MORC1: variants seen among roughly 807,000 people sequenced by gnomAD.
The protein encoded by MORC1 is MORC family CW-type zinc finger protein 1.
In MORC1, 59 loss-of-function variants were observed where a neutral mutation model predicts 134.9. That is an observed-to-expected ratio of 0.44 (90% CI 0.35 to 0.54). MORC1 has a LOEUF of 0.54. MORC1 is among the 20% of genes least tolerant of loss of function. The pLI is 0.00. For missense variants in MORC1, 947 were observed against 1,134.5 expected, an observed-to-expected ratio of 0.83 and a Z score of 2.37; for synonymous variants, 395 against 391.7, an observed-to-expected ratio of 1.01 and a Z score of -0.10.
Position 108,986,902 on chromosome 3 carries a change from CT to C in MORC1, c.2234del (p.Lys745ArgfsTer6). Reference sequence around the variant, plus strand: ...TACCTTGGTTTAAAAGAGGAATTTCCTTTTTTTCTTGTTTCAATGAAACATC... The same window carrying C: ...TACCTTGGTTTAAAAGAGGAATTTCCTTTTTTCTTGTTTCAATGAAACATC... The part of the protein sequence containing the change: ...NTDVSLKQEK[K>X]EIPLLNQEKQ... On this transcript the variant is annotated frameshift_variant, in exon 22 of 28. Coordinates refer to ENST00000232603, the MANE Select transcript of MORC1 (RefSeq NM_014429.4). LOFTEE classifies it high-confidence loss of function. 3.2e-6 allele frequency: 5 copies of C among 1,569,854 alleles called. No homozygotes were observed. The highest frequency in any genetic ancestry group is 4.3e-6 in the Non-Finnish European group (5 of 1,161,232).
intron 14 of MORC1, among the ~76,000 whole-genome samples, chr3:109,038,465 G>T (rs1949432791): frequency 6.6e-6 from 1 of 151,988 alleles, no homozygotes; most frequent in African/African-American, 2.4e-5. Context: ...GTCTATTTTG[G>T]CTTTTGTTGC....
intron 16 of MORC1, among the ~76,000 whole-genome samples, chr3:109,032,467 T>C (rs1211713466): frequency 6.6e-6 from 1 of 152,142 alleles, no homozygotes; most frequent in African/African-American, 2.4e-5. Context: ...CAGGTTGTGG[T>C]CTCCCATGGG....
At chr3:109,028,661 C>T (rs924006684) in intron 16 of MORC1, among the ~76,000 whole-genome samples, 3 of 152,100 alleles carry the variant, frequency 2.0e-5, no homozygotes, top group Non-Finnish European at 4.4e-5. Flanking sequence ...AGGTTTGAGG[C>T]CATTTTTCCT....
chr3:109,049,378 C>T (rs745724564), intron 14 of MORC1, among the ~76,000 whole-genome samples: 1 of 152,148 alleles, frequency 6.6e-6, no homozygotes, highest in Non-Finnish European at 1.5e-5. Context: ...GAAAACATGT[C>T]CCAAGGTACC....
intron 14 of MORC1, among the ~76,000 whole-genome samples, chr3:109,035,881 A>T (rs1036678927): frequency 5.3e-5 from 8 of 152,172 alleles, no homozygotes; most frequent in Admixed American, 4.6e-4. Flanking sequence ...CTTATCTCAC[A>T]GACAGAGGTG....
chr3:109,103,857 A>T lies in MORC1; in HGVS notation c.215T>A (p.Met72Lys), dbSNP rs1192651273. 1.9e-6 allele frequency: 3 copies of T among 1,613,778 alleles called. No homozygotes were observed. The change falls in exon 4 of 28, where the codon ATG becomes AAG. Residue 72 changes from methionine (M) to lysine (K), a missense_variant. This residue lies in a region of MORC1 where 214 missense variants were observed against 281.3 expected (regional missense o/e 0.76). Coordinates refer to ENST00000232603, the MANE Select transcript of MORC1 (RefSeq NM_014429.4). ...CTAGATAATTAACTTACCAGGGCTCATGCCACATCCATCATCCAGGAAACA... is the reference window on the plus strand; with the variant it reads ...CTAGATAATTAACTTACCAGGGCTCTTGCCACATCCATCATCCAGGAAACA... The part of the protein sequence containing the change: ...MLCFLDDGCG[M>K]SPEEASDIIY...
chr3:109,050,991 C>T (rs1456290568), intron 14 of MORC1, among the ~76,000 whole-genome samples: 2 of 152,100 alleles, frequency 1.3e-5, no homozygotes, highest in Non-Finnish European at 2.9e-5. Flanking sequence ...CTGTTCAAAC[C>T]CAAATTTCAT....
intron 17 of MORC1, among the ~76,000 whole-genome samples, chr3:109,012,252 G>C (rs965339116): frequency 3.9e-5 from 6 of 152,024 alleles, no homozygotes; most frequent in Non-Finnish European, 7.4e-5. Flanking sequence ...AAAATCAGCT[G>C]GCTATATACA....
chr3:108,966,940 T>TC (rs1947236896), intron 26 of MORC1, among the ~76,000 whole-genome samples: 1 of 152,206 alleles, frequency 6.6e-6, no homozygotes, highest in South Asian at 2.1e-4. Context: ...CTATTATGAA[T>TC]CATCTACTAC....
intron 8 of MORC1, among the ~76,000 whole-genome samples, chr3:109,070,021 T>TATAAC (rs1950283727): frequency 6.6e-6 from 1 of 152,214 alleles, no homozygotes; most frequent in South Asian, 2.1e-4. Flanking sequence ...TTATTCTAAG[T>TATAAC]AGACTTATAA....
chr3:109,044,515 G>A (rs1323357206), intron 14 of MORC1, among the ~76,000 whole-genome samples: 2 of 150,592 alleles, frequency 1.3e-5, no homozygotes, highest in Non-Finnish European at 2.9e-5. Context: ...CCGATATCAC[G>A]CCACTGCACT....
At chr3:108,973,226 T>C (rs1947442095) in intron 24 of MORC1, among the ~76,000 whole-genome samples, 1 of 152,208 alleles carries the variant, frequency 6.6e-6, no homozygotes, top group Non-Finnish European at 1.5e-5. Flanking sequence ...CCACAGAGCC[T>C]GGCATCATGC....
intron 8 of MORC1, among the ~76,000 whole-genome samples, chr3:109,080,984 A>T (rs1950509597): frequency 2.0e-5 from 3 of 152,280 alleles, no homozygotes; most frequent in Middle Eastern, 6.8e-3. Context: ...ATATAGATTT[A>T]TTAGAACAAT....
At chr3:109,040,241 G>A (rs1378210747) in intron 14 of MORC1, among the ~76,000 whole-genome samples, 4 of 151,286 alleles carry the variant, frequency 2.6e-5, no homozygotes, top group African/African-American at 4.9e-5. Flanking sequence ...GGAAAGTATG[G>A]CACATTCCAA....
chr3:109,018,208 T>G (rs556840438), intron 17 of MORC1, among the ~76,000 whole-genome samples: 1 of 152,158 alleles, frequency 6.6e-6, no homozygotes, highest in East Asian at 1.9e-4. Context: ...CAATTCTTTG[T>G]GGGACTATAG....
rs59122147 is a variant in MORC1, at chr3:109,040,829, CAAAAAAAAAAAAAAAAA to C, written c.1331-5378_1331-5362del. Among the ~76,000 whole-genome samples the C allele has an allele frequency of 4.6e-5, 5 of 108,612 alleles. No individual in the cohort carries two copies. The East Asian group carries it at 9.7e-4, about 21-fold the overall frequency. The allele number at this position is 108,612 out of a possible 152,430, so 71.3% of individuals were successfully genotyped here. On this transcript the variant is annotated intron_variant, in intron 14 of 27. Coordinates refer to ENST00000232603, the MANE Select transcript of MORC1 (RefSeq NM_014429.4). ...TGGCTGACAGAGTAAAACTCTGTGT[CAAAAAAAAAAAAAAAAA>C]AAAAGAAAGAAAGAAATGTGAAAAA...
At chr3:109,028,098 G>A (rs1949130194) in intron 16 of MORC1, among the ~76,000 whole-genome samples, 2 of 151,986 alleles carry the variant, frequency 1.3e-5, no homozygotes, top group Admixed American at 1.3e-4. Context: ...TAAAAAATGT[G>A]GACAGTACCA....
chr3:109,029,846 A>G (rs1049579127), intron 16 of MORC1, among the ~76,000 whole-genome samples: 1 of 152,238 alleles, frequency 6.6e-6, no homozygotes, highest in Admixed American at 6.5e-5. Context: ...AGACAATGTG[A>G]TAAGGCAGGA....
intron 14 of MORC1, among the ~76,000 whole-genome samples, chr3:109,043,095 T>C (rs935375781): frequency 6.8e-6 from 1 of 146,494 alleles, no homozygotes; most frequent in Non-Finnish European, 1.5e-5. Flanking sequence ...TGTATACCCA[T>C]CTTCATAGTA....
Sources: gnomAD v4.1 joint callset for allele counts (sites outside exome capture counted in the v4.1 genomes callset) on GRCh38, gnomAD v4.1.1 for gene constraint, gnomAD v4.1.1 regional missense constraint, MANE v1.5 for transcripts, NCBI Gene and HGNC (gene_info 2026-07-23, HGNC 2026-07-21) for gene names.